Variants in NIBAN2 observed in about 807,000 individuals in gnomAD.
The protein encoded by NIBAN2 is niban apoptosis regulator 2, also known as protein Niban 2.
In NIBAN2, 36 loss-of-function variants were observed where a neutral mutation model predicts 81.8. That is an observed-to-expected ratio of 0.44 (90% CI 0.34 to 0.58). The LOEUF (loss-of-function observed/expected upper bound fraction) is 0.58. Among genes scored for constraint, NIBAN2 ranks in the 20% least tolerant of loss-of-function variants. The pLI is 0.02. For missense variants in NIBAN2, 897 were observed against 1,014.1 expected, an observed-to-expected ratio of 0.88 and a Z score of 1.57; for synonymous variants, 445 against 441.6, an observed-to-expected ratio of 1.01 and a Z score of -0.10.
intron 1 of NIBAN2, chr9:127,578,843 C>T (rs1838040944): frequency 3.5e-6 from 5 of 1,418,834 alleles, no homozygotes; most frequent in Non-Finnish European, 4.9e-6. Context: ...AGTGACAGAG[C>T]AAAACCTCCT....
upstream of NIBAN2, among the ~76,000 whole-genome samples, chr9:127,574,004 G>A (rs763887552): frequency 2.0e-5 from 3 of 152,188 alleles, no homozygotes; most frequent in Non-Finnish European, 4.4e-5. Flanking sequence ...CTGCTTTTCT[G>A]TGGGAATGTC....
chr9:127,548,278 C>T (rs1006131474), intron 1 of NIBAN2, among the ~76,000 whole-genome samples: 8 of 152,236 alleles, frequency 5.3e-5, no homozygotes, highest in Non-Finnish European at 1.2e-4. Flanking sequence ...AAAGCCAACA[C>T]CCAAACGTAC....
chr9:127,510,632 TCAC>T (rs1425172801), intron 8 of NIBAN2, among the ~76,000 whole-genome samples: 2 of 152,152 alleles, frequency 1.3e-5, no homozygotes, highest in African/African-American at 4.8e-5. Flanking sequence ...AGACGGGGTT[TCAC>T]CATGTTGGTC....
Position 127,506,795 on chromosome 9 carries a change from T to G in NIBAN2, c.*50A>C. On this transcript the variant is annotated 3_prime_UTR_variant, in exon 14 of 14. Coordinates refer to ENST00000373312, the MANE Select transcript of NIBAN2 (RefSeq NM_022833.4). ...CTCCCCAGAGCTGAGCCTGCCTGGG[T>G]CCGGAAGGGAACGGCCTGTGCCATG... 1 of 1,502,564 alleles carries G rather than the reference T, an allele frequency of 6.7e-7. No individual in the cohort carries two copies. The highest frequency in any genetic ancestry group is 9.0e-7 in the Non-Finnish European group (1 of 1,110,898). 93.1% of individuals were successfully genotyped at this position (1,502,564 alleles called of 1,614,324 possible).
chr9:127,540,920 G>C (rs1028818288), intron 1 of NIBAN2, among the ~76,000 whole-genome samples: 1 of 152,228 alleles, frequency 6.6e-6, no homozygotes, highest in African/African-American at 2.4e-5. Flanking sequence ...GAGGTTTGCC[G>C]ACTGAAACCA....
chr9:127,546,345 C>CA (rs1203624133), intron 1 of NIBAN2, among the ~76,000 whole-genome samples: 1 of 152,228 alleles, frequency 6.6e-6, no homozygotes. Context: ...CCCCTTCTCT[C>CA]AGTCACGTCC....
At chr9:127,525,285 G>A (rs1588162319) in intron 3 of NIBAN2, 122 bp from the exon 4 acceptor site, 1 of 628,082 alleles carries the variant, frequency 1.6e-6, no homozygotes, top group Non-Finnish European at 2.8e-6. Context: ...AGGAAGAAGA[G>A]GCAAGAGAGG....
chr9:127,511,959 A>T (rs1836744699), intron 8 of NIBAN2, among the ~76,000 whole-genome samples: 1 of 152,218 alleles, frequency 6.6e-6, no homozygotes, highest in Admixed American at 6.5e-5. Flanking sequence ...GCTAGCGAGG[A>T]TGTGGAGAAA....
At chr9:127,514,282 A>AG (rs935026386) in intron 8 of NIBAN2, among the ~76,000 whole-genome samples, 1 of 151,660 alleles carries the variant, frequency 6.6e-6, no homozygotes, top group Admixed American at 6.6e-5. Context: ...AAAAAAAAAA[A>AG]AAAAACTAAA....
rs199894907 is a variant in NIBAN2, at chr9:127,506,491, TCCC to T, written c.*351_*353del. Reference sequence around the variant, plus strand: ...CACTGGGCTCACACCAGCTTTCACCTCCCTCTCTCCAGGAAGGATGGCAGCACC... The same window carrying T: ...CACTGGGCTCACACCAGCTTTCACCTTCTCTCCAGGAAGGATGGCAGCACC... On this transcript the variant is annotated 3_prime_UTR_variant, in exon 14 of 14. Transcript: ENST00000373312. 2.7e-3 allele frequency: 541 copies of T among 199,706 alleles called. 4 individuals are homozygous for T. In the East Asian group the frequency reaches 0.043, roughly 16 times the overall value. 12.4% of individuals were successfully genotyped at this position (199,706 alleles called of 1,614,324 possible). A position where few individuals can be genotyped will look rare whatever the true frequency, so the allele number is the denominator to read the frequency against.
chr9:127,568,864 A>G lies in NIBAN2; in HGVS notation c.11T>C (p.Val4Ala). 7.4e-7 allele frequency: 1 copy of G among 1,360,482 alleles called. No homozygotes were observed. Among genetic ancestry groups the G allele is most frequent in the South Asian group, 1.6e-5 (1 of 62,960 alleles). The allele number at this position is 1,360,482 out of a possible 1,614,324, so 84.3% of individuals were successfully genotyped here. ...GGCGTCGTCCAGGTGCGTGGACAGC[A>G]CGTCCCCCATGGCCAGGAGGTGTCG... Reference protein sequence around the residue: MGDVLSTHLDDARR... With the variant: MGDALSTHLDDARR... Residue 4 changes from valine to alanine, a missense_variant, in exon 1 of 14, where the codon GTG (valine) becomes GCG (alanine). This residue lies in a region of NIBAN2 where 209 missense variants were observed against 208.4 expected (regional missense o/e 1.00). Transcript: ENST00000373312.
chr9:127,519,987 G>A (rs1294811759), intron 5 of NIBAN2, among the ~76,000 whole-genome samples: 2 of 152,214 alleles, frequency 1.3e-5, no homozygotes, highest in African/African-American at 4.8e-5. Context: ...CTTTCCAGGT[G>A]GCGAGAAGGT....
chr9:127,569,630 C>A (rs957994869), upstream of NIBAN2, among the ~76,000 whole-genome samples: 1 of 152,092 alleles, frequency 6.6e-6, no homozygotes, highest in Non-Finnish European at 1.5e-5. Flanking sequence ...CCCTGCCCCC[C>A]CAAGTCCCGC....
At chr9:127,578,034 C>A (rs1838029213) in intron 1 of NIBAN2, among the ~76,000 whole-genome samples, 1 of 151,532 alleles carries the variant, frequency 6.6e-6, no homozygotes, top group South Asian at 2.1e-4. Flanking sequence ...ACTAAAAACA[C>A]AAAAAAATTA....
chr9:127,527,177 C>A lies in NIBAN2; in HGVS notation c.315+17G>T. ...AAAGCGGGGAGGCTCAGTGTGGCGCCCGGGGCCAGGCCTCACCGCTTTGTT... is the reference window on the plus strand; with the variant it reads ...AAAGCGGGGAGGCTCAGTGTGGCGCACGGGGCCAGGCCTCACCGCTTTGTT... On this transcript the variant is annotated intron_variant, in intron 3 of 13. Coordinates refer to ENST00000373312, the MANE Select transcript of NIBAN2 (RefSeq NM_022833.4). 6.2e-7 allele frequency: 1 copy of A among 1,611,388 alleles called. No individual in the cohort carries two copies.
chr9:127,574,556 GGAA>G (rs1837985840), intron 1 of NIBAN2, among the ~76,000 whole-genome samples: 2 of 152,230 alleles, frequency 1.3e-5, no homozygotes, highest in East Asian at 1.9e-4. Flanking sequence ...TAGTCCTGTA[GGAA>G]GAAGGAGAGG....
intron 1 of NIBAN2, among the ~76,000 whole-genome samples, chr9:127,541,388 C>A (rs72767969): frequency 0.042 from 6,370 of 152,294 alleles, 176 homozygotes; most frequent in Non-Finnish European, 0.065. Context: ...CACGCACTGT[C>A]CTCACTTCCC....
intron 9 of NIBAN2, 124 bp downstream of exon 9, chr9:127,510,022 C>A: frequency 1.1e-6 from 1 of 884,610 alleles, no homozygotes. Flanking sequence ...CCCAGCAGCC[C>A]CTCCCCGTCT....
In NIBAN2 at chr9:127,507,211, C is replaced by T. The variant is rs1434922835; in HGVS notation, c.1875G>A (p.Val625=). The change falls in exon 14 of 14, where the codon GTG becomes GTA. Residue 625 remains valine (V), a synonymous_variant. Transcript: ENST00000373312. The surrounding 1 kb of genome is among the most constrained non-coding windows in gnomAD (Gnocchi z 6.8). ...KRRRAKQVVS[V]VQDEEVGLPF... ...GCAGCCCCACCTCCTCATCCTGGAC[C>T]ACAGAGACCACCTGCTTGGCGCGCC... is the stretch of plus-strand genomic sequence containing the variant. 2 of 1,612,782 alleles carry T rather than the reference C, an allele frequency of 1.2e-6. No individual in the cohort carries two copies. Among genetic ancestry groups the T allele is most frequent in the Non-Finnish European group, 1.7e-6 (2 of 1,179,624 alleles).
Sources: allele counts gnomAD v4.1 joint callset (sites outside exome capture counted in the v4.1 genomes callset), GRCh38; gene constraint gnomAD v4.1.1; regional missense constraint gnomAD v4.1.1; non-coding constraint Gnocchi (gnomAD v3.1); transcripts MANE v1.5; gene names NCBI Gene and HGNC (gene_info 2026-07-23, HGNC 2026-07-21).